KCTD16: variants seen among roughly 807,000 people sequenced by gnomAD.
KCTD16 encodes the protein potassium channel tetramerization domain containing 16.
In KCTD16, 13 loss-of-function variants were observed where a neutral mutation model predicts 33.2. The ratio of observed to expected loss-of-function variants is 0.39; its 90% CI spans 0.25 to 0.62. The LOEUF (loss-of-function observed/expected upper bound fraction) is 0.62. KCTD16 is among the 20% of genes least tolerant of loss of function. KCTD16 has a pLI of 0.50. For synonymous variants in KCTD16, 197 were observed against 195.3 expected (o/e 1.01, Z -0.07); for missense variants, 441 against 525.1 (o/e 0.84, Z 1.57).
chr5:144,433,718 C>T (rs529410161), intron 3 of KCTD16, among the ~76,000 whole-genome samples: 1 of 152,248 alleles, frequency 6.6e-6, no homozygotes, highest in East Asian at 1.9e-4. Flanking sequence ...TATTATATCC[C>T]CTTGTTCCTT....
Position 144,480,602 on chromosome 5 carries a change from G to A in KCTD16, c.*6488G>A, listed in dbSNP as rs142600709. ...TCTCCTTGATTCATGTGGGTTATGT[G>A]CATTTAAGGCCGTGGCTCTCAACCA... On this transcript the variant is annotated 3_prime_UTR_variant, in exon 4 of 4. Coordinates refer to ENST00000512467, the MANE Select transcript of KCTD16 (RefSeq NM_020768.4). 1.4e-3 allele frequency: 219 copies of A among 151,990 alleles called. 2 individuals carry two copies. The highest frequency in any genetic ancestry group is 4.9e-3 in the African/African-American group (203 of 41,514). 9.4% of individuals were successfully genotyped at this position (151,990 alleles called of 1,614,324 possible). A position where few individuals can be genotyped will look rare whatever the true frequency, so the allele number is the denominator to read the frequency against.
chr5:144,455,037 A>C (rs1040749675), intron 3 of KCTD16, among the ~76,000 whole-genome samples: 2 of 152,076 alleles, frequency 1.3e-5, no homozygotes, highest in Non-Finnish European at 2.9e-5. Flanking sequence ...TAAGCTTTGA[A>C]ATAATTGGTA....
At chr5:144,375,127 A>G (rs1433376707) in intron 3 of KCTD16, among the ~76,000 whole-genome samples, 1 of 152,164 alleles carries the variant, frequency 6.6e-6, no homozygotes, top group African/African-American at 2.4e-5. Flanking sequence ...TTCATTCTGA[A>G]TCTCAAGGTT....
At chr5:144,302,072 T>C (rs73312773) in intron 3 of KCTD16, among the ~76,000 whole-genome samples, 4,155 of 152,276 alleles carry the variant, frequency 0.027, 93 homozygotes, top group African/African-American at 0.046. Context: ...AATGAGAAGA[T>C]TGTGGTGAAG....
intron 3 of KCTD16, among the ~76,000 whole-genome samples, chr5:144,229,062 G>A (rs1754019597): frequency 6.6e-6 from 1 of 152,142 alleles, no homozygotes; most frequent in Non-Finnish European, 1.5e-5. Flanking sequence ...GGCCATGAAT[G>A]TGAAGTGAGA....
intron 3 of KCTD16, among the ~76,000 whole-genome samples, chr5:144,280,771 C>CA (rs1755579990): frequency 6.6e-6 from 1 of 152,014 alleles, no homozygotes; most frequent in East Asian, 1.9e-4. Flanking sequence ...AAACAAAATA[C>CA]AAAAAATTAG....
rs145647065 is a variant in KCTD16, at chr5:144,261,597, G to A, written c.832+54051G>A. On this transcript the variant is annotated intron_variant, in intron 3 of 3. Coordinates refer to ENST00000512467, the MANE Select transcript of KCTD16 (RefSeq NM_020768.4). Reference sequence around the variant, plus strand: ...TGGTTCAATTAAGTAACTCAGAAACGTACCTAAATGGCTTATTCAAGGTCA... The same window carrying A: ...TGGTTCAATTAAGTAACTCAGAAACATACCTAAATGGCTTATTCAAGGTCA... 7.2e-5 allele frequency among the ~76,000 whole-genome samples: 11 copies of A among 152,314 alleles called. No individual in the cohort carries two copies. In the East Asian group the frequency reaches 1.2e-3, roughly 16 times the overall value.
intron 3 of KCTD16, among the ~76,000 whole-genome samples, chr5:144,239,732 C>A (rs1368504490): frequency 6.6e-6 from 1 of 152,034 alleles, no homozygotes; most frequent in Admixed American, 6.6e-5. Flanking sequence ...GATGAAAAAC[C>A]AATTACTACA....
At chr5:144,299,135 TATATATATA>T (rs1561558738) in intron 3 of KCTD16, among the ~76,000 whole-genome samples, 10 of 33,156 alleles carry the variant, frequency 3.0e-4, no homozygotes, top group African/African-American at 5.9e-4. Flanking sequence ...TATATATATA[TATATATATA>T]TATATTTTTT....
intron 3 of KCTD16, among the ~76,000 whole-genome samples, chr5:144,369,084 T>C (rs1259424496): frequency 6.6e-6 from 1 of 152,130 alleles, no homozygotes; most frequent in African/African-American, 2.4e-5. Context: ...TCCTTTCTGC[T>C]TGCTTTGTGT....
chr5:144,417,506 T>G (rs1753087899), intron 3 of KCTD16, among the ~76,000 whole-genome samples: 1 of 152,182 alleles, frequency 6.6e-6, no homozygotes, highest in Non-Finnish European at 1.5e-5. Flanking sequence ...ACTTTATACA[T>G]TCCAAAAAAT....
chr5:144,254,271 G>A (rs1204674700), intron 3 of KCTD16, among the ~76,000 whole-genome samples: 1 of 151,960 alleles, frequency 6.6e-6, no homozygotes, highest in African/African-American at 2.4e-5. Flanking sequence ...TGAGTAGTGG[G>A]GACTACAGGT....
intron 3 of KCTD16, among the ~76,000 whole-genome samples, chr5:144,397,285 G>T (rs1432347076): frequency 3.9e-5 from 6 of 152,098 alleles, no homozygotes; most frequent in African/African-American, 1.4e-4. Context: ...AGTATTCCAT[G>T]GTGTATATGT....
At chr5:144,174,655 C>T (rs1015810146) in intron 2 of KCTD16, among the ~76,000 whole-genome samples, 183 bp downstream of exon 2, 1 of 152,098 alleles carries the variant, frequency 6.6e-6, no homozygotes, top group Non-Finnish European at 1.5e-5. Flanking sequence ...TTACTTTGAA[C>T]GATGAATAGT....
At chr5:144,251,347 A>G (rs1184992515) in intron 3 of KCTD16, among the ~76,000 whole-genome samples, 3 of 152,214 alleles carry the variant, frequency 2.0e-5, no homozygotes, top group Admixed American at 2.0e-4. Flanking sequence ...CAAATTATGT[A>G]ATCTCTGCCT....
intron 3 of KCTD16, among the ~76,000 whole-genome samples, chr5:144,388,171 C>G (rs1353049117): frequency 6.7e-6 from 1 of 149,316 alleles, no homozygotes; most frequent in Non-Finnish European, 1.5e-5. Context: ...GCTCCGCCTC[C>G]CGGGTTCACG....
At chr5:144,376,024 C>T (rs1442805502) in intron 3 of KCTD16, among the ~76,000 whole-genome samples, 2 of 152,052 alleles carry the variant, frequency 1.3e-5, no homozygotes, top group Non-Finnish European at 2.9e-5. Flanking sequence ...GGGGTTTCAC[C>T]ATGTTGGCTA....
chr5:144,231,431 G>GA (rs1033179716), intron 3 of KCTD16, among the ~76,000 whole-genome samples: 12 of 152,032 alleles, frequency 7.9e-5, no homozygotes, highest in Admixed American at 6.6e-4. Context: ...CACATTAGTA[G>GA]AAAAAATATT....
intron 3 of KCTD16, among the ~76,000 whole-genome samples, chr5:144,236,835 C>T (rs1375389153): frequency 6.6e-6 from 1 of 151,952 alleles, no homozygotes; most frequent in African/African-American, 2.4e-5. Flanking sequence ...AACTTGTGGG[C>T]CTTAGTTTCG....
Sources: gnomAD v4.1 joint callset for allele counts (sites outside exome capture counted in the v4.1 genomes callset) on GRCh38, gnomAD v4.1.1 for gene constraint, MANE v1.5 for transcripts, NCBI Gene and HGNC (gene_info 2026-07-23, HGNC 2026-07-21) for gene names.